The following NFIB variants were observed in gnomAD, a reference collection of about 807,000 sequenced individuals.
NFIB encodes the protein nuclear factor 1 B-type.
NFIB carries 11 observed loss-of-function variants against 61.5 expected under a neutral mutation model. The observed-to-expected ratio is 0.18, with a 90% CI of 0.11 to 0.30. The LOEUF (loss-of-function observed/expected upper bound fraction) is 0.30, where lower values mean the gene tolerates loss of function less well. NFIB is among the 10% of genes least tolerant of loss of function. NFIB has a pLI of 1.00. For synonymous variants in NFIB, 260 were observed against 216.5 expected, an observed-to-expected ratio of 1.20 and a Z score of -1.76; for missense variants, 471 against 608.9, an observed-to-expected ratio of 0.77 and a Z score of 2.38.
At chr9:14,527,621 T>C in the NFIB span, among the ~76,000 whole-genome samples, 1 of 152,330 alleles carries the variant, frequency 6.6e-6, no homozygotes, top group Non-Finnish European at 1.5e-5. Context: ...ATTGGTCTCC[T>C]CTGCACCTTA....
chr9:14,422,654 T>C, the NFIB span, among the ~76,000 whole-genome samples: 1 of 152,214 alleles, frequency 6.6e-6, no homozygotes, highest in Non-Finnish European at 1.5e-5. Context: ...CAAGGAAGGA[T>C]TCAGATTGGC....
the NFIB span, among the ~76,000 whole-genome samples, chr9:14,430,082 G>A: frequency 6.6e-6 from 1 of 152,202 alleles, no homozygotes; most frequent in African/African-American, 2.4e-5. Context: ...GGTTAATGGT[G>A]GAGATTAAGA....
intron 2 of NFIB, among the ~76,000 whole-genome samples, chr9:14,260,028 A>C (rs1050961778): frequency 6.6e-6 from 1 of 152,188 alleles, no homozygotes; most frequent in African/African-American, 2.4e-5. Context: ...TGGTGGTACA[A>C]GTTTGCCTTC....
At chr9:14,474,970 C>T in the NFIB span, among the ~76,000 whole-genome samples, 1 of 152,192 alleles carries the variant, frequency 6.6e-6, no homozygotes, top group African/African-American at 2.4e-5. Flanking sequence ...TTGTGTGCTG[C>T]CCACCCACAT....
the NFIB span, among the ~76,000 whole-genome samples, chr9:14,477,910 G>C: frequency 6.6e-6 from 1 of 152,204 alleles, no homozygotes; most frequent in East Asian, 1.9e-4. Flanking sequence ...TCCTGATGTT[G>C]GCTGATGTCT....
At chr9:14,168,845 T>G (rs2045235935) in intron 3 of NFIB, among the ~76,000 whole-genome samples, 1 of 152,218 alleles carries the variant, frequency 6.6e-6, no homozygotes, top group South Asian at 2.1e-4. Flanking sequence ...GCCTTTGTAT[T>G]CATTCCTCTG....
At chr9:14,367,584 CT>C (rs2061314944) in intron 1 of NFIB, among the ~76,000 whole-genome samples, 1 of 152,014 alleles carries the variant, frequency 6.6e-6, no homozygotes, top group African/African-American at 2.4e-5. Flanking sequence ...GGGTTTAAGC[CT>C]TAGAGCAATT....
intron 1 of NFIB, among the ~76,000 whole-genome samples, chr9:14,375,395 T>G (rs76916327): frequency 2.6e-5 from 4 of 152,268 alleles, no homozygotes; most frequent in Admixed American, 6.5e-5. Flanking sequence ...CAGTGGCTCA[T>G]GCCTGTAATC....
In NFIB at chr9:14,116,337, T is replaced by C. The variant is rs904766364; in HGVS notation, c.1255A>G (p.Ser419Gly). ...SSPQTSQPNG[S>G]GQVVGKVPGH... ...GGCACTTTCCCTACTACTTGACCACTGCCGTTAGGCTACAAAACAAAAACA... is the reference window on the plus strand; with the variant it reads ...GGCACTTTCCCTACTACTTGACCACCGCCGTTAGGCTACAAAACAAAAACA... The change falls in exon 9 of 11, where the codon AGT becomes GGT. Residue 419 changes from serine to glycine, a missense_variant. Coordinates refer to ENST00000380953, the MANE Select transcript of NFIB (RefSeq NM_001190737.2). 2 of 1,510,536 alleles carry C rather than the reference T, an allele frequency of 1.3e-6. No individual in the cohort carries two copies. The highest frequency in any genetic ancestry group is 1.8e-6 in the Non-Finnish European group (2 of 1,128,284). The allele number at this position is 1,510,536 out of a possible 1,614,324, so 93.6% of individuals were successfully genotyped here.
rs980846941 is a variant in NFIB, at chr9:14,141,915, AAAAAAAAAAAAC to A, written c.925+4762_925+4773del. Among the ~76,000 whole-genome samples, 36 of 147,630 alleles carry A rather than the reference AAAAAAAAAAAAC, an allele frequency of 2.4e-4. 1 individual carries two copies. The highest frequency in any genetic ancestry group is 6.6e-4 in the South Asian group (3 of 4,554). ...TGCTGCTGCTCACAAAAAAAAAAAA[AAAAAAAAAAAAC>A]AACGAAATCCCCAGCTGCATACTGC... On this transcript the variant is annotated intron_variant, in intron 6 of 10. Coordinates refer to ENST00000380953, the MANE Select transcript of NFIB (RefSeq NM_001190737.2).
the NFIB span, among the ~76,000 whole-genome samples, chr9:14,473,196 C>T: frequency 6.6e-6 from 1 of 152,170 alleles, no homozygotes. Context: ...CACTGAAGGA[C>T]AGGCTATGTT....
chr9:14,088,225 G>A lies in NFIB; in HGVS notation c.*84C>T. 2 of 1,556,852 alleles carry A rather than the reference G, an allele frequency of 1.3e-6. No homozygotes were observed. Among genetic ancestry groups the A allele is most frequent in the Non-Finnish European group, 8.7e-7 (1 of 1,147,626 alleles). On this transcript the variant is annotated 3_prime_UTR_variant, in exon 11 of 11. Coordinates refer to ENST00000380953, the MANE Select transcript of NFIB (RefSeq NM_001190737.2). ...GTTGCTTGTTTCTGCTTGAAGGAAA[G>A]GTTCTCCAATTATGTTCAAACCGTA...
At chr9:14,316,669 T>C (rs1203707835), upstream of NFIB, among the ~76,000 whole-genome samples, 2 of 152,076 alleles carry the variant, frequency 1.3e-5, no homozygotes, top group Non-Finnish European at 2.9e-5. Context: ...TCATCTTAGA[T>C]TAAACACACA....
At chr9:14,373,477 T>C (rs2061381640) in intron 1 of NFIB, among the ~76,000 whole-genome samples, 1 of 152,206 alleles carries the variant, frequency 6.6e-6, no homozygotes, top group South Asian at 2.1e-4. Flanking sequence ...TTCTTTTCTC[T>C]AAATCTTTTT....
intron 2 of NFIB, among the ~76,000 whole-genome samples, chr9:14,220,940 C>T (rs1201728505): frequency 6.6e-6 from 1 of 150,810 alleles, no homozygotes; most frequent in African/African-American, 2.4e-5. Flanking sequence ...GAGTTTTCTG[C>T]TCTGAACTAC....
the NFIB span, among the ~76,000 whole-genome samples, chr9:14,523,163 A>C: frequency 6.6e-6 from 1 of 152,102 alleles, no homozygotes; most frequent in Non-Finnish European, 1.5e-5. Flanking sequence ...AAAGTGGGTC[A>C]TAAGAGTAGG....
chr9:14,183,892 T>C lies in NFIB; in HGVS notation c.563-4112A>G, dbSNP rs369889466. On this transcript the variant is annotated intron_variant, in intron 2 of 10. Transcript: ENST00000380953. ...ATTCTTTAAGTGTGGGTTAAACATA[T>C]GTTTATTCTTCTAAAAAAAAAGTAA... Among the ~76,000 whole-genome samples the C allele has an allele frequency of 7.9e-5, 12 of 152,244 alleles. No individual in the cohort carries two copies. The East Asian group carries it at 1.7e-3, about 22-fold the overall frequency.
intron 9 of NFIB, among the ~76,000 whole-genome samples, chr9:14,114,937 G>A (rs542007065): frequency 5.9e-5 from 9 of 152,304 alleles, no homozygotes; most frequent in African/African-American, 2.2e-4. Flanking sequence ...TTTGGTGACT[G>A]TAATGCACAT....
At chr9:14,463,260 T>C in the NFIB span, among the ~76,000 whole-genome samples, 1 of 151,798 alleles carries the variant, frequency 6.6e-6, no homozygotes, top group Non-Finnish European at 1.5e-5. Flanking sequence ...CAGCAATAAA[T>C]GTCAGAAAAT....
Sources: allele counts gnomAD v4.1 joint callset (sites outside exome capture counted in the v4.1 genomes callset), GRCh38; gene constraint gnomAD v4.1.1; transcripts MANE v1.5; gene names NCBI Gene and HGNC (gene_info 2026-07-23, HGNC 2026-07-21).